The following KLHL8 variants were observed in gnomAD, a reference collection of about 807,000 sequenced individuals.
KLHL8 encodes the protein kelch like family member 8.
KLHL8 carries 38 observed loss-of-function variants against 63.5 expected under a neutral mutation model. The observed-to-expected ratio is 0.60, with a 90% CI of 0.46 to 0.78. KLHL8 has a LOEUF of 0.78. Among genes scored for constraint, KLHL8 ranks in the 30% least tolerant of loss-of-function variants. KLHL8 has a pLI of 0.00. For missense variants in KLHL8, 566 were observed against 752.4 expected (o/e 0.75, Z 2.90); for synonymous variants, 224 against 254.3 (o/e 0.88, Z 1.13).
rs115450546 is a variant in KLHL8, at chr4:87,211,793, A to G, written c.-152+8625T>C. On this transcript the variant is annotated intron_variant, in intron 1 of 9. Transcript: ENST00000273963. ...AAATTCAACACTGATAGGAGACCCA[A>G]TGGAGAGATCTAGTAGGTTACTGGA... Among the ~76,000 whole-genome samples, 915 of 152,286 alleles carry G rather than the reference A, an allele frequency of 6.0e-3. 7 individuals are homozygous for G. The highest frequency in any genetic ancestry group is 0.021 in the African/African-American group (867 of 41,548).
intron 1 of KLHL8, among the ~76,000 whole-genome samples, chr4:87,236,442 T>C (rs1560727118): frequency 6.6e-6 from 1 of 151,852 alleles, no homozygotes; most frequent in East Asian, 2.0e-4. Context: ...CTCCTGACCT[T>C]ATGATCTGCC....
intron 1 of KLHL8, among the ~76,000 whole-genome samples, chr4:87,214,801 G>C (rs1317502760): frequency 6.6e-6 from 1 of 151,408 alleles, no homozygotes; most frequent in Admixed American, 6.6e-5. Flanking sequence ...TTTTTTTTTG[G>C]TTTTGTTTTT....
chr4:87,214,436 ATATATATATATATATATATATAT>A (rs1205993830), intron 1 of KLHL8, among the ~76,000 whole-genome samples: 7 of 79,632 alleles, frequency 8.8e-5, no homozygotes, highest in African/African-American at 2.6e-4. Flanking sequence ...ATATATATAT[ATATATATATATATATATATATAT>A]AATTGTCATC....
intron 9 of KLHL8, 72 bp downstream of exon 9, chr4:87,163,806 T>C (rs916666064): frequency 1.9e-5 from 29 of 1,549,962 alleles, no homozygotes; most frequent in Non-Finnish European, 2.4e-5. Context: ...ACTAGCAACA[T>C]TTTAACACTC....
intron 1 of KLHL8, among the ~76,000 whole-genome samples, chr4:87,214,572 TA>T (rs1732528361): frequency 6.6e-6 from 1 of 151,270 alleles, no homozygotes; most frequent in South Asian, 2.1e-4. Context: ...CCAGAGAAGT[TA>T]AGACACCTAA....
intron 2 of KLHL8, 28 bp from the exon 3 acceptor site, chr4:87,185,827 T>C: frequency 6.6e-7 from 1 of 1,519,236 alleles, no homozygotes; most frequent in Non-Finnish European, 8.8e-7. Context: ...AGAAAGATTC[T>C]GTTTAATATC....
At chr4:87,224,105 A>G (rs1732930418), upstream of KLHL8, among the ~76,000 whole-genome samples, 1 of 151,748 alleles carries the variant, frequency 6.6e-6, no homozygotes, top group South Asian at 2.1e-4. Context: ...CTTGTTACCC[A>G]GGCTGGAGTG....
intron 1 of KLHL8, among the ~76,000 whole-genome samples, chr4:87,209,913 G>A (rs1313361497): frequency 1.3e-5 from 2 of 149,880 alleles, no homozygotes; most frequent in Admixed American, 6.7e-5. Context: ...GAGTGCAGTG[G>A]CGCAATCTTG....
At chr4:87,239,178 G>A (rs1171905865) in intron 1 of KLHL8, among the ~76,000 whole-genome samples, 1 of 152,202 alleles carries the variant, frequency 6.6e-6, no homozygotes, top group African/African-American at 2.4e-5. Flanking sequence ...TTTAAGATAA[G>A]TGGAGAGTAT....
At chr4:87,186,211 G>C (rs1290536570) in intron 2 of KLHL8, among the ~76,000 whole-genome samples, 1 of 151,716 alleles carries the variant, frequency 6.6e-6, no homozygotes, top group Admixed American at 6.6e-5. Flanking sequence ...GCTAATTTTT[G>C]TGGGTTTTGT....
chr4:87,233,415 C>G (rs1218021455), intron 1 of KLHL8, among the ~76,000 whole-genome samples: 1 of 151,932 alleles, frequency 6.6e-6, no homozygotes, highest in Non-Finnish European at 1.5e-5. Context: ...TGGTGAAACC[C>G]CAACAAAAAT....
rs1424477038 is a variant in KLHL8, at chr4:87,162,642, T to C, written c.*877A>G. On this transcript the variant is annotated 3_prime_UTR_variant, in exon 10 of 10. Coordinates refer to ENST00000273963, the MANE Select transcript of KLHL8 (RefSeq NM_020803.5). ...GATAAATCTTGGATCCAAAATCAAA[T>C]GATCAAAGAAGACAGTTAAAGATAT... The C allele has an allele frequency of 6.6e-6, 1 of 152,166 alleles. No individual in the cohort carries two copies. 9.4% of individuals were successfully genotyped at this position (152,166 alleles called of 1,614,324 possible).
chr4:87,164,992 CA>C lies in KLHL8; in HGVS notation c.1538-914del, dbSNP rs879734711. 8.2e-4 allele frequency among the ~76,000 whole-genome samples: 124 copies of C among 150,884 alleles called. 1 individual carries two copies. Among genetic ancestry groups the C allele is most frequent in the East Asian group, 2.9e-3 (15 of 5,142 alleles). On this transcript the variant is annotated intron_variant, in intron 8 of 9. Coordinates refer to ENST00000273963, the MANE Select transcript of KLHL8 (RefSeq NM_020803.5). ...TGAAACCCCGTCTCTACTAAAAATA[CA>C]AAAAAATTAGCTGGGCATGGTGGCG...
intron 3 of KLHL8, among the ~76,000 whole-genome samples, chr4:87,184,708 C>T (rs75100027): frequency 0.016 from 2,457 of 152,052 alleles, 77 homozygotes; most frequent in African/African-American, 0.057. Context: ...TCTTCTTATC[C>T]TGGTAACTCC....
intron 4 of KLHL8, among the ~76,000 whole-genome samples, chr4:87,181,645 T>G (rs1162703313): frequency 2.0e-5 from 3 of 152,050 alleles, no homozygotes; most frequent in African/African-American, 4.8e-5. Context: ...ATACCCTTTC[T>G]CTACTATTTC....
chr4:87,196,269 T>A (rs931676116), intron 1 of KLHL8, among the ~76,000 whole-genome samples: 1 of 151,566 alleles, frequency 6.6e-6, no homozygotes, highest in Non-Finnish European at 1.5e-5. Flanking sequence ...AGATAAACAA[T>A]CCCACTTAAC....
At chr4:87,223,487 T>TG (rs1184548700), upstream of KLHL8, among the ~76,000 whole-genome samples, 1 of 152,110 alleles carries the variant, frequency 6.6e-6, no homozygotes, top group Non-Finnish European at 1.5e-5. Flanking sequence ...AACTGGGAAA[T>TG]ACGCAGTAGA....
chr4:87,228,072 T>G (rs1056117101), intron 1 of KLHL8, among the ~76,000 whole-genome samples: 1 of 152,102 alleles, frequency 6.6e-6, no homozygotes, highest in Non-Finnish European at 1.5e-5. Flanking sequence ...AACTTCCTGG[T>G]TGGTGAACAC....
chr4:87,164,207 A>G, intron 8 of KLHL8, 128 bp from the exon 9 acceptor site: 1 of 802,346 alleles, frequency 1.2e-6, no homozygotes, highest in Non-Finnish European at 1.9e-6. Context: ...AAATTTTTTT[A>G]AAAAATTCAT....
Sources: gnomAD v4.1 joint callset for allele counts (sites outside exome capture counted in the v4.1 genomes callset) on GRCh38, gnomAD v4.1.1 for gene constraint, MANE v1.5 for transcripts, NCBI Gene and HGNC (gene_info 2026-07-23, HGNC 2026-07-21) for gene names.